The following SOX6 variants were observed in gnomAD, a reference collection of about 807,000 sequenced individuals.
The protein encoded by SOX6 is transcription factor SOX-6.
A neutral mutation model predicts 97.8 loss-of-function variants in SOX6; 11 were observed. That is an observed-to-expected ratio of 0.11 (90% CI 0.07 to 0.19). SOX6 has a LOEUF of 0.19. Among genes scored for constraint, SOX6 ranks in the 10% least tolerant of loss-of-function variants. SOX6 has a pLI of 1.00. For missense variants in SOX6, 810 were observed against 1,039.5 expected (o/e 0.78, Z 3.04); for synonymous variants, 360 against 371.4 (o/e 0.97, Z 0.35).
intron 3 of SOX6, among the ~76,000 whole-genome samples, chr11:16,690,717 GT>G (rs1848006721): frequency 6.6e-6 from 1 of 152,214 alleles, no homozygotes; most frequent in African/African-American, 2.4e-5. Flanking sequence ...CCATTTCCAA[GT>G]TGGGTTACCT....
chr11:16,244,607 GTATGGCA>G (rs1853282810), intron 3 of SOX6, among the ~76,000 whole-genome samples: 1 of 151,570 alleles, frequency 6.6e-6, no homozygotes, highest in Non-Finnish European at 1.5e-5. Context: ...TATTTTGTAT[GTATGGCA>G]TGAGGTAAAA....
At chr11:16,138,577 T>A (rs1237908154) in intron 6 of SOX6, among the ~76,000 whole-genome samples, 1 of 152,028 alleles carries the variant, frequency 6.6e-6, no homozygotes, top group African/African-American at 2.4e-5. Flanking sequence ...TACTTTAAGT[T>A]TTAGGGTACA....
intron 1 of SOX6, among the ~76,000 whole-genome samples, chr11:16,426,741 C>T (rs995151294): frequency 2.0e-5 from 3 of 151,284 alleles, no homozygotes; most frequent in African/African-American, 4.9e-5. Context: ...GGTGAAACCC[C>T]GTCTCTACTA....
chr11:16,273,371 G>A (rs529422361), intron 3 of SOX6, among the ~76,000 whole-genome samples: 3 of 151,918 alleles, frequency 2.0e-5, no homozygotes, highest in African/African-American at 7.2e-5. Context: ...TAGGGAAAGT[G>A]AACCACAGGG....
At chr11:16,048,606 C>G (rs757679785) in intron 11 of SOX6, among the ~76,000 whole-genome samples, 11 of 152,140 alleles carry the variant, frequency 7.2e-5, no homozygotes, top group Non-Finnish European at 1.3e-4. Flanking sequence ...AATATACTAT[C>G]TAACTCATAA....
At chr11:16,025,211 G>C (rs1855181236) in intron 12 of SOX6, among the ~76,000 whole-genome samples, 1 of 152,158 alleles carries the variant, frequency 6.6e-6, no homozygotes, top group South Asian at 2.1e-4. Context: ...AGCAAATCCA[G>C]TTGTGTGGCA....
chr11:16,465,347 G>A (rs6486291), intron 1 of SOX6, among the ~76,000 whole-genome samples: 147,216 of 152,282 alleles, frequency 0.97, 71,368 homozygotes, highest in East Asian at 1. Context: ...ACTGCCAGCT[G>A]TCCAATGAGC....
intron 2 of SOX6, among the ~76,000 whole-genome samples, chr11:16,718,219 G>A (rs1186836668): frequency 1.3e-5 from 2 of 150,050 alleles, no homozygotes; most frequent in African/African-American, 4.9e-5. Flanking sequence ...CCTCCATGCA[G>A]GCTTCTTTTT....
chr11:16,171,342 C>A (rs1255762553), intron 6 of SOX6, among the ~76,000 whole-genome samples: 1 of 151,890 alleles, frequency 6.6e-6, no homozygotes, highest in Admixed American at 6.6e-5. Flanking sequence ...GTCCAAGAAG[C>A]CAGTATTGTA....
intron 3 of SOX6, among the ~76,000 whole-genome samples, chr11:16,639,870 C>T (rs923770143): frequency 3.9e-5 from 6 of 152,136 alleles, no homozygotes; most frequent in African/African-American, 1.4e-4. Flanking sequence ...GACAATTTGA[C>T]TTCCTCTTTT....
At chr11:16,086,466 C>A (rs1848580794) in intron 9 of SOX6, among the ~76,000 whole-genome samples, 2 of 152,100 alleles carry the variant, frequency 1.3e-5, no homozygotes, top group African/African-American at 2.4e-5. Context: ...GCATCGTGAC[C>A]CAGCAACATC....
At chr11:16,693,787 T>C (rs1451580381) in intron 3 of SOX6, among the ~76,000 whole-genome samples, 2 of 152,132 alleles carry the variant, frequency 1.3e-5, no homozygotes, top group Admixed American at 1.3e-4. Flanking sequence ...ACTTTCTAAG[T>C]CCATATTCTG....
At chr11:16,256,937 A>C (rs1816688499) in intron 3 of SOX6, among the ~76,000 whole-genome samples, 1 of 151,892 alleles carries the variant, frequency 6.6e-6, no homozygotes, top group African/African-American at 2.4e-5. Context: ...GGAATTTGAA[A>C]TGAAAAACAC....
intron 2 of SOX6, among the ~76,000 whole-genome samples, chr11:16,731,868 T>G (rs992064945): frequency 1.3e-5 from 2 of 152,218 alleles, no homozygotes; most frequent in African/African-American, 4.8e-5. Context: ...CAAAATCTCC[T>G]TAAGCTGATA....
chr11:16,499,641 C>A (rs1860667729), intron 4 of SOX6, among the ~76,000 whole-genome samples: 1 of 152,110 alleles, frequency 6.6e-6, no homozygotes, highest in South Asian at 2.1e-4. Context: ...ACCACCGATC[C>A]CACAGAAATA....
Position 16,699,693 on chromosome 11 carries a change from T to C in SOX6, n.429+15137A>G, listed in dbSNP as rs1024310340. On this transcript the variant is annotated intron_variant and non_coding_transcript_variant, in intron 3 of 5. Transcript: ENST00000524520. ...GTTGTATGATACATTTTGTGTCTGA[T>C]TGCAAGCAAGAGACTTGACAATAAG... Among the ~76,000 whole-genome samples, 9 of 152,266 alleles carry C rather than the reference T, an allele frequency of 5.9e-5. No homozygotes were observed. In the East Asian group the frequency reaches 9.6e-4, roughly 16 times the overall value.
At position 15,971,394 on chromosome 11, in the gene SOX6, C is replaced by G. The variant is rs1853306813; in HGVS notation, c.*1415G>C. On this transcript the variant is annotated 3_prime_UTR_variant, in exon 16 of 16. Transcript: ENST00000683767. ...CAGCTTCACTGAGATTCCTGCATGG[C>G]CCACGAGCCTTGGGCTTCAGGTTTG... 6.6e-6 allele frequency: 1 copy of G among 152,652 alleles called. No individual in the cohort carries two copies. The highest frequency in any genetic ancestry group is 1.5e-5 in the Non-Finnish European group (1 of 68,064). 9.5% of individuals were successfully genotyped at this position (152,652 alleles called of 1,614,324 possible).
chr11:16,048,223 C>T (rs956078781), intron 11 of SOX6, among the ~76,000 whole-genome samples: 13 of 152,116 alleles, frequency 8.5e-5, no homozygotes, highest in East Asian at 3.9e-4. Context: ...TCCAAAAATC[C>T]GGCCAAGGGG....
chr11:15,983,746 C>T (rs1428751322), intron 15 of SOX6, among the ~76,000 whole-genome samples: 1 of 152,112 alleles, frequency 6.6e-6, no homozygotes, highest in Non-Finnish European at 1.5e-5. Flanking sequence ...AAGAATAAGA[C>T]ATTCTGATCA....
Sources: gnomAD v4.1 joint callset for allele counts (sites outside exome capture counted in the v4.1 genomes callset) on GRCh38, gnomAD v4.1.1 for gene constraint, MANE v1.5 for transcripts, NCBI Gene and HGNC (gene_info 2026-07-23, HGNC 2026-07-21) for gene names.